The following CD72 variants were observed in gnomAD, a reference collection of about 807,000 sequenced individuals.
The protein encoded by CD72 is B-cell differentiation antigen CD72.
Under a neutral mutation model 50.7 loss-of-function variants are expected in CD72, and 28 were observed. The observed-to-expected ratio is 0.55, with a 90% CI of 0.41 to 0.76. CD72 has a LOEUF of 0.76. Ranked by LOEUF, CD72 falls within the 30% of genes least tolerant of loss-of-function variation. The pLI is 0.00. For missense variants in CD72, 403 were observed against 420.6 expected (o/e 0.96, Z 0.37); for synonymous variants, 176 against 171.2 (o/e 1.03, Z -0.22).
chr9:35,614,316 A>C (rs1419689271), intron 5 of CD72, among the ~76,000 whole-genome samples: 1 of 152,224 alleles, frequency 6.6e-6, no homozygotes. Flanking sequence ...TGTTTGTAAA[A>C]GATTACCCTG....
chr9:35,629,248 A>T (rs1823222042), intron 1 of CD72, among the ~76,000 whole-genome samples: 1 of 152,128 alleles, frequency 6.6e-6, no homozygotes, highest in Non-Finnish European at 1.5e-5. Flanking sequence ...CATGTTTCTT[A>T]ACCATTTGGA....
Position 35,617,216 on chromosome 9 carries a change from C to T in CD72, c.222G>A (p.Trp74Ter). ...AVKSEQPTAS[W>*]RAVTSPAVGR... ...CGACAGCTGGTGACGTCACGGCTCT[C>T]CAGGACGCAGTTGGCTGCTCCGACT... is the stretch of plus-strand genomic sequence containing the variant. The change falls in exon 3 of 9, where the codon TGG becomes TGA. Residue 74 changes from tryptophan to a stop codon, truncating the protein, a stop_gained. Coordinates refer to ENST00000259633, the MANE Select transcript of CD72 (RefSeq NM_001782.3). LOFTEE classifies it high-confidence loss of function. 1 of 1,569,178 alleles carries T rather than the reference C, an allele frequency of 6.4e-7. No individual in the cohort carries two copies.
intron 1 of CD72, among the ~76,000 whole-genome samples, chr9:35,631,870 G>T (rs1022920790): frequency 2.0e-5 from 3 of 152,074 alleles, no homozygotes; most frequent in Admixed American, 6.5e-5. Context: ...TCCAGCTTGG[G>T]CTACAGAGCC....
chr9:35,611,359 C>G (rs1252255979), intron 7 of CD72, among the ~76,000 whole-genome samples: 1 of 152,188 alleles, frequency 6.6e-6, no homozygotes, highest in East Asian at 1.9e-4. Context: ...CTGTCTTGAT[C>G]ACAGTGAAGT....
intron 1 of CD72, among the ~76,000 whole-genome samples, chr9:35,640,866 C>A (rs1823333932): frequency 6.6e-6 from 1 of 152,206 alleles, no homozygotes; most frequent in Admixed American, 6.5e-5. Context: ...CGATCCTTGT[C>A]CCTCCTGCTG....
At chr9:35,614,431 T>C (rs1002864335) in intron 5 of CD72, among the ~76,000 whole-genome samples, 1 of 152,166 alleles carries the variant, frequency 6.6e-6, no homozygotes, top group South Asian at 2.1e-4. Context: ...CAAAAATCCA[T>C]ATGGATATAT....
intron 1 of CD72, among the ~76,000 whole-genome samples, chr9:35,634,146 T>G (rs1823269981): frequency 6.6e-6 from 1 of 152,094 alleles, no homozygotes; most frequent in South Asian, 2.1e-4. Flanking sequence ...TAACTCTTCT[T>G]TTTTTTAATC....
chr9:35,639,179 A>T (rs1823317686), intron 1 of CD72, among the ~76,000 whole-genome samples: 1 of 152,218 alleles, frequency 6.6e-6, no homozygotes, highest in Admixed American at 6.5e-5. Context: ...TTAAAAAAAT[A>T]AACTAAGTAA....
At chr9:35,645,920 G>A (rs1823388289) in intron 1 of CD72, among the ~76,000 whole-genome samples, 1 of 152,094 alleles carries the variant, frequency 6.6e-6, no homozygotes, top group African/African-American at 2.4e-5. Context: ...AGCACTTTGG[G>A]AGGTCTAGGT....
intron 1 of CD72, chr9:35,643,316 G>A (rs1384787064): frequency 1.3e-5 from 2 of 152,504 alleles, no homozygotes; most frequent in African/African-American, 2.4e-5. Context: ...CTTAGCAGCT[G>A]AAGACCGACA....
chr9:35,644,350 C>CAAAAAAAAA (rs74176726), intron 1 of CD72, among the ~76,000 whole-genome samples: 2 of 68,194 alleles, frequency 2.9e-5, no homozygotes, highest in Non-Finnish European at 5.1e-5. Flanking sequence ...AACTCTGTCT[C>CAAAAAAAAA]AAAAAAAAAA....
At chr9:35,624,031 A>G (rs192738440), upstream of CD72, among the ~76,000 whole-genome samples, 1 of 151,734 alleles carries the variant, frequency 6.6e-6, no homozygotes, top group Admixed American at 6.6e-5. Flanking sequence ...GACCAACACG[A>G]TGAAACCCCA....
At chr9:35,620,393 C>G (rs912858370), upstream of CD72, among the ~76,000 whole-genome samples, 7 of 151,652 alleles carry the variant, frequency 4.6e-5, no homozygotes, top group Admixed American at 4.6e-4. Context: ...TCGCTTGAAC[C>G]CAGGAGGTGG....
chr9:35,628,936 A>G (rs1294518794), intron 1 of CD72, among the ~76,000 whole-genome samples: 1 of 152,098 alleles, frequency 6.6e-6, no homozygotes, highest in Non-Finnish European at 1.5e-5. Context: ...GTGCAGTGGC[A>G]TGATCACTGC....
At chr9:35,628,040 G>A (rs184707207) in intron 1 of CD72, among the ~76,000 whole-genome samples, 201 of 152,070 alleles carry the variant, frequency 1.3e-3, no homozygotes, top group Non-Finnish European at 2.1e-3. Flanking sequence ...TCGCTATGTC[G>A]ACCAGGCTGG....
intron 1 of CD72, among the ~76,000 whole-genome samples, chr9:35,626,741 C>T (rs1823199572): frequency 6.6e-6 from 1 of 152,164 alleles, no homozygotes. Context: ...ACTGAAGGCT[C>T]AGATGATCAT....
chr9:35,635,824 G>T (rs933899361), intron 1 of CD72, among the ~76,000 whole-genome samples: 2 of 152,142 alleles, frequency 1.3e-5, no homozygotes, highest in African/African-American at 4.8e-5. Context: ...TCTGCTTGGA[G>T]CCCAGAGGAG....
At chr9:35,630,234 C>T (rs1397833692) in intron 1 of CD72, among the ~76,000 whole-genome samples, 4 of 151,946 alleles carry the variant, frequency 2.6e-5, no homozygotes, top group Non-Finnish European at 5.9e-5. Flanking sequence ...GAAGGGGTTT[C>T]GCCATGTTGG....
At chr9:35,641,332 C>A (rs1823338157) in intron 1 of CD72, among the ~76,000 whole-genome samples, 1 of 150,736 alleles carries the variant, frequency 6.6e-6, no homozygotes, top group South Asian at 2.1e-4. Context: ...CTGGAAGAGA[C>A]AAACTTAACA....
Sources: allele counts gnomAD v4.1 joint callset (sites outside exome capture counted in the v4.1 genomes callset), GRCh38; gene constraint gnomAD v4.1.1; transcripts MANE v1.5; gene names NCBI Gene and HGNC (gene_info 2026-07-23, HGNC 2026-07-21).